The following DKK2 variants were observed in gnomAD, a reference collection of about 807,000 sequenced individuals.
DKK2 encodes dickkopf-related protein 2.
Under a neutral mutation model 28.1 loss-of-function variants are expected in DKK2, and 11 were observed. The observed-to-expected ratio is 0.39, with a 90% confidence interval of 0.25 to 0.65. DKK2 has a LOEUF of 0.65. Among genes scored for constraint, DKK2 ranks in the 30% least tolerant of loss-of-function variants. The pLI, the probability that DKK2 is intolerant of heterozygous loss-of-function variation, is 0.47. For synonymous variants in DKK2, 135 were observed against 126.5 expected (o/e 1.07, Z -0.45); for missense variants, 326 against 335.5 (o/e 0.97, Z 0.22).
chr4:107,025,596 C>A (rs1030176878), intron 1 of DKK2, among the ~76,000 whole-genome samples: 2 of 152,178 alleles, frequency 1.3e-5, no homozygotes, highest in Non-Finnish European at 1.5e-5. Flanking sequence ...TTCTTAGCAG[C>A]CCCACCACCA....
chr4:106,970,871 T>G (rs1232778257), intron 1 of DKK2, among the ~76,000 whole-genome samples: 7 of 152,118 alleles, frequency 4.6e-5, no homozygotes, highest in Non-Finnish European at 1.0e-4. Flanking sequence ...AATCTTGCTA[T>G]TAAATGCAAT....
chr4:106,927,711 C>T, intron 1 of DKK2, among the ~76,000 whole-genome samples: 1 of 152,166 alleles, frequency 6.6e-6, no homozygotes, highest in East Asian at 1.9e-4. Flanking sequence ...CCTTACCACA[C>T]TCTTTCCCCC....
intron 1 of DKK2, among the ~76,000 whole-genome samples, chr4:106,992,480 G>C (rs1218925703): frequency 6.6e-6 from 1 of 152,216 alleles, no homozygotes; most frequent in African/African-American, 2.4e-5. Flanking sequence ...AAGGTCTGGA[G>C]CAGCCATCCT....
chr4:107,031,141 A>G (rs1723869187), intron 1 of DKK2, among the ~76,000 whole-genome samples: 1 of 152,018 alleles, frequency 6.6e-6, no homozygotes, highest in African/African-American at 2.4e-5. Flanking sequence ...GTGAGAGGAA[A>G]GGAACGTTAA....
chr4:106,961,265 G>A (rs962377784), intron 1 of DKK2, among the ~76,000 whole-genome samples: 21 of 151,958 alleles, frequency 1.4e-4, no homozygotes, highest in African/African-American at 3.4e-4. Flanking sequence ...ATTGTAATCC[G>A]AAATTCACTA....
chr4:107,014,370 G>C (rs1723559726), intron 1 of DKK2, among the ~76,000 whole-genome samples: 1 of 151,396 alleles, frequency 6.6e-6, no homozygotes, highest in Non-Finnish European at 1.5e-5. Context: ...ATTATGTTAA[G>C]TATAATAAGC....
At chr4:107,001,598 C>T (rs757117874) in intron 1 of DKK2, among the ~76,000 whole-genome samples, 2 of 152,124 alleles carry the variant, frequency 1.3e-5, no homozygotes, top group Non-Finnish European at 2.9e-5. Flanking sequence ...CTGGAAGATG[C>T]TTGGTGCTCA....
chr4:106,938,405 C>G (rs1173975929), intron 1 of DKK2, among the ~76,000 whole-genome samples: 2 of 152,128 alleles, frequency 1.3e-5, no homozygotes, highest in Admixed American at 1.3e-4. Context: ...TACACTCTCC[C>G]AAGACTAAAC....
chr4:107,028,113 ATTAC>A (rs1392245787), intron 1 of DKK2, among the ~76,000 whole-genome samples: 2 of 152,180 alleles, frequency 1.3e-5, no homozygotes, highest in East Asian at 1.9e-4. Context: ...AATTCCACTA[ATTAC>A]TTAATTATTT....
chr4:106,969,103 CT>C (rs927183384), intron 1 of DKK2, among the ~76,000 whole-genome samples: 6 of 149,152 alleles, frequency 4.0e-5, no homozygotes, highest in East Asian at 3.9e-4. Context: ...TTGATTTATG[CT>C]TTTTTTTTTC....
intron 1 of DKK2, among the ~76,000 whole-genome samples, chr4:107,034,390 G>T (rs899076849): frequency 6.6e-6 from 1 of 152,184 alleles, no homozygotes; most frequent in Non-Finnish European, 1.5e-5. Context: ...GGAGCGGAAG[G>T]GGGAGCTGTC....
intron 1 of DKK2, among the ~76,000 whole-genome samples, chr4:106,960,815 G>A (rs1578358397): frequency 1.3e-5 from 2 of 152,172 alleles, no homozygotes; most frequent in East Asian, 3.9e-4. Flanking sequence ...TACCAAGCCA[G>A]TCTTAACAAT....
intron 1 of DKK2, among the ~76,000 whole-genome samples, chr4:106,996,057 A>C (rs1309186831): frequency 6.6e-6 from 1 of 152,242 alleles, no homozygotes; most frequent in Non-Finnish European, 1.5e-5. Context: ...GAGGAAAAAT[A>C]GTTCTGAAGA....
At chr4:107,011,712 T>G (rs1003152607) in intron 1 of DKK2, among the ~76,000 whole-genome samples, 2 of 151,378 alleles carry the variant, frequency 1.3e-5, no homozygotes, top group Non-Finnish European at 3.0e-5. Flanking sequence ...TGTGTGTGTG[T>G]GGGTGTGTAT....
At chr4:107,013,551 C>T (rs1326123753) in intron 1 of DKK2, among the ~76,000 whole-genome samples, 1 of 151,256 alleles carries the variant, frequency 6.6e-6, no homozygotes, top group Non-Finnish European at 1.5e-5. Context: ...AATGGATTAA[C>T]TACTTAATTC....
At chr4:106,956,991 C>G (rs1317219857) in intron 1 of DKK2, among the ~76,000 whole-genome samples, 5 of 150,746 alleles carry the variant, frequency 3.3e-5, no homozygotes, top group African/African-American at 7.4e-5. Context: ...GAAAATTTTC[C>G]CAACCTACTC....
At chr4:107,032,029 CATAA>C (rs751557191) in intron 1 of DKK2, among the ~76,000 whole-genome samples, 26 of 151,880 alleles carry the variant, frequency 1.7e-4, no homozygotes, top group Admixed American at 3.9e-4. Flanking sequence ...TATTAAAATG[CATAA>C]ATATTTATAT....
At chr4:107,005,448 T>C (rs150354554) in intron 1 of DKK2, among the ~76,000 whole-genome samples, 3 of 151,304 alleles carry the variant, frequency 2.0e-5, no homozygotes, top group African/African-American at 7.3e-5. Context: ...CAAAAAAATA[T>C]AATTTTTTTA....
rs1723950355 is a variant in DKK2 at position 107,035,507 on chromosome 4, C to T, written c.85G>A (p.Gly29Ser). The T allele has an allele frequency of 5.0e-6, 8 of 1,614,198 alleles. No homozygotes were observed. Among genetic ancestry groups the T allele is most frequent in the Non-Finnish European group, 6.8e-6 (8 of 1,180,040 alleles). ...GAGTTGAGTTTGGCCCGCGAACTGC[C>T]GATCTGTGAGCTCTCCACCATCAGC... ...AVLMVESSQIGSSRAKLNSIK... is the reference protein window; with the variant it reads ...AVLMVESSQISSSRAKLNSIK... The change falls in exon 1 of 4, where the codon GGC becomes AGC. Residue 29 changes from glycine to serine, a missense_variant. Gly to Ser is a moderately conservative substitution (Grantham distance 56, BLOSUM62 0). Transcript: ENST00000285311.
Sources: allele counts gnomAD v4.1 joint callset (sites outside exome capture counted in the v4.1 genomes callset), GRCh38; gene constraint gnomAD v4.1.1; transcripts MANE v1.5; gene names NCBI Gene and HGNC (gene_info 2026-07-23, HGNC 2026-07-21).